The following FSTL4 variants were observed in gnomAD, a reference collection of about 807,000 sequenced individuals.
FSTL4 encodes the protein follistatin like 4.
In FSTL4, 28 loss-of-function variants were observed where a neutral mutation model predicts 78.2. The ratio of observed to expected loss-of-function variants is 0.36; its 90% CI spans 0.27 to 0.49. The LOEUF is 0.49. Ranked by LOEUF, FSTL4 falls within the 20% of genes least tolerant of loss-of-function variation. The pLI, the probability that FSTL4 is intolerant of heterozygous loss-of-function variation, is 0.98. For synonymous variants in FSTL4, 422 were observed against 440.5 expected (o/e 0.96, Z 0.53); for missense variants, 922 against 1,084.9 (o/e 0.85, Z 2.11).
chr5:133,838,436 C>T, the FSTL4 span, among the ~76,000 whole-genome samples: 676 of 152,318 alleles, frequency 4.4e-3, 2 homozygotes, highest in Admixed American at 0.011. Flanking sequence ...TGGGGCCTCC[C>T]GTGAGTTTCC....
intron 2 of FSTL4, among the ~76,000 whole-genome samples, chr5:133,600,649 A>T (rs1168009913): frequency 6.6e-6 from 1 of 152,148 alleles, no homozygotes; most frequent in African/African-American, 2.4e-5. Flanking sequence ...ATAATTTAAC[A>T]CTTGCTATAA....
At chr5:133,643,559 C>A in the FSTL4 span, among the ~76,000 whole-genome samples, 1 of 152,020 alleles carries the variant, frequency 6.6e-6, no homozygotes, top group Non-Finnish European at 1.5e-5. Flanking sequence ...CTAATATTAG[C>A]GGGTTGGCAC....
chr5:133,795,345 T>G, the FSTL4 span, among the ~76,000 whole-genome samples: 84,560 of 152,074 alleles, frequency 0.56, 24,877 homozygotes, highest in East Asian at 0.78. Flanking sequence ...GCAAGCCAGA[T>G]AATAAATGCC....
chr5:133,263,736 G>A (rs1206463725), intron 6 of FSTL4, among the ~76,000 whole-genome samples: 1 of 152,212 alleles, frequency 6.6e-6, no homozygotes, highest in African/African-American at 2.4e-5. Flanking sequence ...GGCTTGTTAT[G>A]TTTTTAAGGT....
chr5:133,433,580 G>T (rs1296522006), intron 3 of FSTL4, among the ~76,000 whole-genome samples: 1 of 152,194 alleles, frequency 6.6e-6, no homozygotes, highest in Non-Finnish European at 1.5e-5. Flanking sequence ...AGCCTGCAAT[G>T]GAATTTATAT....
chr5:133,252,402 G>C (rs1233029236), intron 6 of FSTL4: 2 of 152,196 alleles, frequency 1.3e-5, no homozygotes, highest in Non-Finnish European at 2.9e-5. Flanking sequence ...ATCTCTGGGG[G>C]TGGGTAATTA....
chr5:133,663,202 TAC>T, the FSTL4 span, among the ~76,000 whole-genome samples: 15 of 151,790 alleles, frequency 9.9e-5, no homozygotes, highest in Admixed American at 5.9e-4. Flanking sequence ...ATCATAGAAC[TAC>T]ACACACACAC....
At chr5:133,569,478 G>C (rs1262674292) in intron 2 of FSTL4, among the ~76,000 whole-genome samples, 2 of 152,152 alleles carry the variant, frequency 1.3e-5, no homozygotes, top group African/African-American at 4.8e-5. Context: ...TTGAAAAACA[G>C]CTTGTTCCTT....
intron 6 of FSTL4, among the ~76,000 whole-genome samples, chr5:133,262,179 T>C (rs1305931508): frequency 6.6e-6 from 1 of 152,184 alleles, no homozygotes; most frequent in Non-Finnish European, 1.5e-5. Flanking sequence ...GGCCTTGAGA[T>C]AAGCAATGCT....
the FSTL4 span, among the ~76,000 whole-genome samples, chr5:133,756,076 A>C: frequency 6.6e-6 from 1 of 152,174 alleles, no homozygotes; most frequent in African/African-American, 2.4e-5. Context: ...TACAGTGCAG[A>C]GCATGTTAAG....
chr5:133,723,386 C>T, the FSTL4 span, among the ~76,000 whole-genome samples: 6 of 152,192 alleles, frequency 3.9e-5, no homozygotes, highest in African/African-American at 1.4e-4. Flanking sequence ...ATCCATATGA[C>T]ACAGCGGGAG....
chr5:133,791,429 C>T, the FSTL4 span, among the ~76,000 whole-genome samples: 1 of 152,168 alleles, frequency 6.6e-6, no homozygotes, highest in East Asian at 1.9e-4. Flanking sequence ...TTGGTAGAAA[C>T]TAAATTCACA....
intron 3 of FSTL4, among the ~76,000 whole-genome samples, chr5:133,486,408 G>A (rs972305577): frequency 2.0e-5 from 3 of 151,636 alleles, no homozygotes; most frequent in Non-Finnish European, 4.4e-5. Context: ...AGAGACGGCA[G>A]AGGAGGGGGG....
intron 3 of FSTL4, among the ~76,000 whole-genome samples, chr5:133,408,256 G>A (rs1300180468): frequency 6.6e-6 from 1 of 152,072 alleles, no homozygotes; most frequent in Non-Finnish European, 1.5e-5. Flanking sequence ...TTATTCCCAA[G>A]TTTTGGATAA....
chr5:133,423,491 C>G (rs1308989543), intron 3 of FSTL4, among the ~76,000 whole-genome samples: 1 of 152,176 alleles, frequency 6.6e-6, no homozygotes, highest in Non-Finnish European at 1.5e-5. Context: ...CAGGGCTGCC[C>G]AATTCTGCTG....
chr5:133,519,388 T>C (rs72787344), intron 3 of FSTL4, among the ~76,000 whole-genome samples: 2,062 of 152,308 alleles, frequency 0.014, 21 homozygotes, highest in Non-Finnish European at 0.02. Context: ...CCAAGTCCCT[T>C]CTGTTCCTAT....
At chr5:133,591,037 A>G (rs1760614311) in intron 2 of FSTL4, among the ~76,000 whole-genome samples, 1 of 152,166 alleles carries the variant, frequency 6.6e-6, no homozygotes, top group South Asian at 2.1e-4. Flanking sequence ...TTTCCAACAC[A>G]TGCTTTTTGG....
chr5:133,513,233 A>G (rs759828338), intron 3 of FSTL4, among the ~76,000 whole-genome samples: 6 of 152,198 alleles, frequency 3.9e-5, no homozygotes, highest in Non-Finnish European at 7.3e-5. Flanking sequence ...AACTATAAGC[A>G]TGGAATATCT....
intron 13 of FSTL4, 74 bp from the exon 14 acceptor site, chr5:133,210,372 A>C: frequency 2.4e-6 from 2 of 820,544 alleles, no homozygotes. Context: ...CATGGGCATC[A>C]CTCCTGGGCG....
Sources: gnomAD v4.1 joint callset for allele counts (sites outside exome capture counted in the v4.1 genomes callset) on GRCh38, gnomAD v4.1.1 for gene constraint, MANE v1.5 for transcripts, NCBI Gene and HGNC (gene_info 2026-07-23, HGNC 2026-07-21) for gene names.